The following CA10 variants were observed in gnomAD, a reference collection of about 807,000 sequenced individuals.
The protein encoded by CA10 is carbonic anhydrase 10 (inactive), also known as carbonic anhydrase-related protein 10.
Under a neutral mutation model 44.2 loss-of-function variants are expected in CA10, and 14 were observed. That is an observed-to-expected ratio of 0.32 (90% CI 0.21 to 0.50). The LOEUF (loss-of-function observed/expected upper bound fraction) is 0.50. CA10 is among the 20% of genes least tolerant of loss of function. CA10 has a pLI of 0.99. For missense variants in CA10, 350 were observed against 409.7 expected (o/e 0.85, Z 1.26); for synonymous variants, 159 against 141.6 (o/e 1.12, Z -0.87).
intron 3 of CA10, among the ~76,000 whole-genome samples, chr17:51,883,116 C>T (rs1280787158): frequency 6.6e-6 from 1 of 152,208 alleles, no homozygotes; most frequent in African/African-American, 2.4e-5. Flanking sequence ...CTGTCAGTCA[C>T]ATTTACTCCT....
At chr17:51,978,257 G>T (rs181445856) in intron 2 of CA10, among the ~76,000 whole-genome samples, 2 of 151,904 alleles carry the variant, frequency 1.3e-5, no homozygotes, top group African/African-American at 2.4e-5. Context: ...AAAACTTACC[G>T]TAAAGCTTCA....
At chr17:51,673,842 C>T (rs1014231577) in intron 4 of CA10, among the ~76,000 whole-genome samples, 1 of 152,240 alleles carries the variant, frequency 6.6e-6, no homozygotes, top group Non-Finnish European at 1.5e-5. Context: ...CCCACCATGA[C>T]CTCCAGCTTC....
chr17:51,707,902 C>A (rs1382423874), intron 4 of CA10, among the ~76,000 whole-genome samples: 1 of 152,082 alleles, frequency 6.6e-6, no homozygotes, highest in African/African-American at 2.4e-5. Flanking sequence ...AGTTGGGACA[C>A]ATGTTGGTCA....
intron 1 of CA10, among the ~76,000 whole-genome samples, chr17:52,156,817 A>G (rs1405393200): frequency 1.3e-5 from 2 of 152,172 alleles, no homozygotes; most frequent in Non-Finnish European, 2.9e-5. Context: ...TGTGAAGGGA[A>G]ATGGGGTGGG....
intron 3 of CA10, among the ~76,000 whole-genome samples, chr17:51,873,166 T>C (rs1024792975): frequency 6.6e-6 from 1 of 152,216 alleles, no homozygotes; most frequent in African/African-American, 2.4e-5. Context: ...GTGGGGACCA[T>C]AATACTTATG....
At chr17:51,735,626 T>C (rs1408289462) in intron 4 of CA10, among the ~76,000 whole-genome samples, 3 of 152,210 alleles carry the variant, frequency 2.0e-5, no homozygotes, top group African/African-American at 7.2e-5. Flanking sequence ...ACAACCATTT[T>C]TGAGCACTCA....
chr17:51,930,846 A>C, intron 3 of CA10, 144 bp downstream of exon 3: 1 of 918,412 alleles, frequency 1.1e-6, no homozygotes, highest in Non-Finnish European at 1.7e-6. Context: ...ACATATTTCT[A>C]TCTAATGGCG....
intron 1 of CA10, among the ~76,000 whole-genome samples, chr17:52,075,091 A>G (rs1310738553): frequency 6.6e-6 from 1 of 152,188 alleles, no homozygotes; most frequent in Non-Finnish European, 1.5e-5. Context: ...CTCTTTACTG[A>G]AAAAATTTGT....
chr17:51,659,307 GACTT>G (rs1341942132), intron 4 of CA10, among the ~76,000 whole-genome samples: 1 of 152,100 alleles, frequency 6.6e-6, no homozygotes, highest in African/African-American at 2.4e-5. Flanking sequence ...TAGACTCTGG[GACTT>G]ACACTAGCGA....
intron 1 of CA10, among the ~76,000 whole-genome samples, chr17:52,104,888 GATTA>G (rs1233299040): frequency 2.6e-5 from 4 of 152,146 alleles, no homozygotes; most frequent in Admixed American, 1.3e-4. Context: ...ATAAAGCTTA[GATTA>G]ATTAACAGTA....
chr17:51,742,914 G>A (rs564293622), intron 4 of CA10, among the ~76,000 whole-genome samples: 2 of 152,192 alleles, frequency 1.3e-5, no homozygotes, highest in Admixed American at 1.3e-4. Context: ...TCTAGTGAGA[G>A]CTATTTCATA....
At chr17:51,684,809 C>T (rs192407853) in intron 4 of CA10, among the ~76,000 whole-genome samples, 37 of 152,210 alleles carry the variant, frequency 2.4e-4, no homozygotes, top group African/African-American at 7.9e-4. Flanking sequence ...ATATCTCACT[C>T]CTCCAAAGAG....
At chr17:51,786,017 G>C (rs957040345) in intron 3 of CA10, among the ~76,000 whole-genome samples, 8 of 152,078 alleles carry the variant, frequency 5.3e-5, no homozygotes, top group Admixed American at 4.6e-4. Context: ...TTTCGTTATA[G>C]AGATCTTTCA....
Position 51,931,850 on chromosome 17 carries a change from G to C in CA10, c.137-718C>G, listed in dbSNP as rs1319265959. Reference sequence around the variant, plus strand: ...AAAACTTCTATTAGAATGTATTTCTGTGGCAATTTCCAGTTCGATTTCTCT... The same window carrying C: ...AAAACTTCTATTAGAATGTATTTCTCTGGCAATTTCCAGTTCGATTTCTCT... On this transcript the variant is annotated intron_variant, in intron 2 of 8. Transcript: ENST00000451037. 3.3e-5 allele frequency among the ~76,000 whole-genome samples: 5 copies of C among 152,272 alleles called. No individual in the cohort carries two copies. The East Asian group carries it at 9.7e-4, about 29-fold the overall frequency.
At chr17:52,057,704 G>A (rs900908164) in intron 2 of CA10, among the ~76,000 whole-genome samples, 2 of 152,016 alleles carry the variant, frequency 1.3e-5, no homozygotes, top group South Asian at 2.1e-4. Context: ...CCCACAAAAG[G>A]TTTTTCGAAG....
chr17:51,755,470 A>T (rs138813626), intron 3 of CA10, among the ~76,000 whole-genome samples: 1 of 152,218 alleles, frequency 6.6e-6, no homozygotes, highest in Admixed American at 6.5e-5. Flanking sequence ...TGACACAAAG[A>T]TTATGTGAGG....
intron 2 of CA10, among the ~76,000 whole-genome samples, chr17:52,017,198 C>T (rs912527922): frequency 1.3e-5 from 2 of 152,128 alleles, no homozygotes; most frequent in African/African-American, 4.8e-5. Context: ...TGGAGCACTG[C>T]TATAAAGATA....
intron 3 of CA10, among the ~76,000 whole-genome samples, chr17:51,895,495 A>T (rs1471018717): frequency 6.6e-6 from 1 of 152,112 alleles, no homozygotes; most frequent in Non-Finnish European, 1.5e-5. Context: ...TCAGCAAGAT[A>T]AAGTTGAAAA....
At chr17:51,657,689 G>C (rs538477393) in intron 4 of CA10, among the ~76,000 whole-genome samples, 29 of 152,158 alleles carry the variant, frequency 1.9e-4, no homozygotes, top group African/African-American at 6.7e-4. Flanking sequence ...AATTTAGATG[G>C]GCCCTAAGCT....
Sources: allele counts gnomAD v4.1 joint callset (sites outside exome capture counted in the v4.1 genomes callset), GRCh38; gene constraint gnomAD v4.1.1; transcripts MANE v1.5; gene names NCBI Gene and HGNC (gene_info 2026-07-23, HGNC 2026-07-21).